Variants in LAYN observed in about 807,000 individuals in gnomAD.
LAYN encodes layilin.
Under a neutral mutation model 43.6 loss-of-function variants are expected in LAYN, and 38 were observed. The ratio of observed to expected loss-of-function variants is 0.87; its 90% confidence interval spans 0.67 to 1.14. The LOEUF (loss-of-function observed/expected upper bound fraction) is 1.14. Among genes scored for constraint, LAYN ranks in the 50% most tolerant of loss-of-function variants. LAYN has a pLI of 0.00. For synonymous variants in LAYN, 168 were observed against 172.9 expected, an observed-to-expected ratio of 0.97 and a Z score of 0.22; for missense variants, 479 against 463.8, an observed-to-expected ratio of 1.03 and a Z score of -0.30.
rs1411433171 is a variant in LAYN at position 111,540,917 on chromosome 11, G to T, written c.74G>T (p.Arg25Leu). Residue 25 changes from arginine to leucine, a missense_variant, in exon 1 of 7, where the codon CGC becomes CTC. Physicochemically the swap from Arg to Leu is moderately radical, Grantham distance 102 (BLOSUM62 -2). Coordinates refer to ENST00000375614, the MANE Select transcript of LAYN (RefSeq NM_178834.5). ...LLVGLRAATG[R>L]LLSGQPVCRG... Reference sequence around the variant, plus strand: ...GTGGGGCTGCGGGCCGCGACGGGTCGCCTGCTGAGTGGTGAGTGCGCGCGC... The same window carrying T: ...GTGGGGCTGCGGGCCGCGACGGGTCTCCTGCTGAGTGGTGAGTGCGCGCGC... 6.5e-7 allele frequency: 1 copy of T among 1,531,898 alleles called. No homozygotes were observed. The highest frequency in any genetic ancestry group is 2.5e-5 in the East Asian group (1 of 40,798). 94.9% of individuals were successfully genotyped at this position (1,531,898 alleles called of 1,614,324 possible).
Position 111,560,105 on chromosome 11 carries a change from C to G in LAYN, c.772C>G (p.Gln258Glu), listed in dbSNP as rs1216748393. 6.3e-7 allele frequency: 1 copy of G among 1,598,452 alleles called. No individual in the cohort carries two copies. Among genetic ancestry groups the G allele is most frequent in the East Asian group, 2.2e-5 (1 of 44,638 alleles). ...TTTCTTTCTTCCTAGAAAACGGGAG[C>G]AGCCAGACCCTAGCACAAAGAAGCA... ...VWICRKRKRE[Q>E]PDPSTKKQHT... Residue 258 changes from glutamine (Q) to glutamate (E), a missense_variant, in exon 7 of 7, where the codon CAG becomes GAG. Transcript: ENST00000375614.
intron 4 of LAYN, 68 bp downstream of exon 4, chr11:111,554,661 C>T: frequency 7.4e-7 from 1 of 1,350,322 alleles, no homozygotes; most frequent in South Asian, 1.2e-5. Flanking sequence ...AGGTTTAAAG[C>T]CCTATGTCCT....
At chr11:111,553,745 C>T (rs1867784707) in intron 3 of LAYN, among the ~76,000 whole-genome samples, 1 of 150,662 alleles carries the variant, frequency 6.6e-6, no homozygotes, top group African/African-American at 2.4e-5. Context: ...CACACACACA[C>T]ACACACACTT....
At position 111,560,617 on chromosome 11, in the gene LAYN, G is replaced by A. The variant is rs539790110; in HGVS notation, c.*159G>A. ...CCACGACCTCCTGTTGGACCCCCAC[G>A]TTTTGGCTGTATCCTTTATCCCAGC... On this transcript the variant is annotated 3_prime_UTR_variant, in exon 7 of 7. Coordinates refer to ENST00000375614, the MANE Select transcript of LAYN (RefSeq NM_178834.5). 14 of 782,902 alleles carry A rather than the reference G, an allele frequency of 1.8e-5. No individual in the cohort carries two copies. The highest frequency in any genetic ancestry group is 1.2e-4 in the South Asian group (6 of 51,404). 48.5% of individuals were successfully genotyped at this position (782,902 alleles called of 1,614,324 possible).
intron 3 of LAYN, among the ~76,000 whole-genome samples, chr11:111,552,840 G>C (rs750793854): frequency 2.0e-5 from 3 of 152,056 alleles, no homozygotes; most frequent in Non-Finnish European, 2.9e-5. Flanking sequence ...CTTCTTAGAG[G>C]GCTGAGATTC....
rs1268911265 is a variant in LAYN, at chr11:111,540,948, CGG to C, written c.85+24_85+25del. On this transcript the variant is annotated intron_variant, in intron 1 of 6. Transcript: ENST00000375614. Reference sequence around the variant, plus strand: ...TGAGTGGTGAGTGCGCGCGCTGGGGCGGGGGCTGGTGCCGGGGTGGGCTCACT... The same window carrying C: ...TGAGTGGTGAGTGCGCGCGCTGGGGCGGGCTGGTGCCGGGGTGGGCTCACT... 3.7e-6 allele frequency: 5 copies of C among 1,357,832 alleles called. No individual in the cohort carries two copies. In the Admixed American group the frequency reaches 1.0e-4, roughly 27 times the overall value. 84.1% of individuals were successfully genotyped at this position (1,357,832 alleles called of 1,614,324 possible).
At chr11:111,547,884 A>G (rs1243866624) in intron 2 of LAYN, among the ~76,000 whole-genome samples, 1 of 152,198 alleles carries the variant, frequency 6.6e-6, no homozygotes, top group African/African-American at 2.4e-5. Flanking sequence ...AGGCTTCCCC[A>G]CTTGACATTC....
chr11:111,551,726 T>G (rs895996831), intron 3 of LAYN, among the ~76,000 whole-genome samples: 2 of 152,128 alleles, frequency 1.3e-5, no homozygotes, highest in African/African-American at 4.8e-5. Flanking sequence ...ACACCTTCTC[T>G]CCTAACAGCT....
Position 111,553,512 on chromosome 11 carries a change from C to T in LAYN, c.542-1049C>T, listed in dbSNP as rs1352037203. On this transcript the variant is annotated intron_variant, in intron 3 of 6. Coordinates refer to ENST00000375614, the MANE Select transcript of LAYN (RefSeq NM_178834.5). Reference sequence around the variant, plus strand: ...CGCATGCCTATAATCCCAGCTACTTCGGAGGCTGAGGCAGGAGAATCGCTT... The same window carrying T: ...CGCATGCCTATAATCCCAGCTACTTTGGAGGCTGAGGCAGGAGAATCGCTT... Among the ~76,000 whole-genome samples the T allele has an allele frequency of 3.3e-5, 5 of 149,374 alleles. No individual in the cohort carries two copies. The South Asian group carries it at 8.6e-4, about 26-fold the overall frequency.
intron 2 of LAYN, among the ~76,000 whole-genome samples, chr11:111,545,488 A>C (rs1345091879): frequency 2.6e-5 from 4 of 152,228 alleles, no homozygotes; most frequent in African/African-American, 7.2e-5. Context: ...GTACCCAAAT[A>C]GATAACTCCT....
Position 111,554,611 on chromosome 11 carries a change from G to A in LAYN, c.574+18G>A. The A allele has an allele frequency of 1.2e-6, 2 of 1,610,884 alleles. No individual in the cohort carries two copies. Among genetic ancestry groups the A allele is most frequent in the Non-Finnish European group, 1.7e-6 (2 of 1,177,384 alleles). ...AGCTGAAGGTAAGCCTGTTACTTGA[G>A]ATTTGGGTTAACTGGGGCTGTTTCA... On this transcript the variant is annotated intron_variant, in intron 4 of 6. Transcript: ENST00000375614.
chr11:111,546,697 C>G (rs948615630), intron 2 of LAYN, among the ~76,000 whole-genome samples: 1 of 152,218 alleles, frequency 6.6e-6, no homozygotes, highest in African/African-American at 2.4e-5. Flanking sequence ...CATCTTACAA[C>G]GGATCTATTC....
intron 3 of LAYN, among the ~76,000 whole-genome samples, chr11:111,553,771 A>C (rs1157254102): frequency 6.7e-6 from 1 of 150,364 alleles, no homozygotes; most frequent in Non-Finnish European, 1.5e-5. Flanking sequence ...AAGATGACTA[A>C]AAGTTTTTGT....
chr11:111,544,168 A>T lies in LAYN; in HGVS notation c.331A>T (p.Thr111Ser). 6.2e-7 allele frequency: 1 copy of T among 1,614,176 alleles called. No individual in the cohort carries two copies. The highest frequency in any genetic ancestry group is 8.5e-7 in the Non-Finnish European group (1 of 1,180,038). Residue 111 changes from threonine to serine, a missense_variant, in exon 2 of 7, where the codon ACA becomes TCA. Coordinates refer to ENST00000375614, the MANE Select transcript of LAYN (RefSeq NM_178834.5). ...GCGTGAGGAGAAACAAAGCAATAGC[A>T]CAGCCTGCCAGGACCTTTATGCTTG... ...RRREEKQSNS[T>S]ACQDLYAWTD...
At chr11:111,543,780 G>A in intron 1 of LAYN, 143 bp from the exon 2 acceptor site, 1 of 667,042 alleles carries the variant, frequency 1.5e-6, no homozygotes, top group Non-Finnish European at 2.5e-6. Context: ...TTTGCTCTGA[G>A]AACCCCAACT....
Position 111,557,587 on chromosome 11 carries a change from TCTC to T in LAYN, c.714_716del (p.Leu239del), listed in dbSNP as rs765886827. On this transcript the variant is annotated inframe_deletion, in exon 6 of 7. Transcript: ENST00000375614. ...ACATCCTAATCCCCAGCATTCCCCT[TCTC>T]CTCCTCCTTGTGGTCACCACAGTTG... 6 of 1,614,200 alleles carry T rather than the reference TCTC, an allele frequency of 3.7e-6. No homozygotes were observed. Among genetic ancestry groups the T allele is most frequent in the South Asian group, 1.1e-5 (1 of 91,084 alleles).
chr11:111,551,398 C>T (rs1014794474), intron 3 of LAYN: 1 of 456,138 alleles, frequency 2.2e-6, no homozygotes, highest in African/African-American at 2.0e-5. Flanking sequence ...AGACCTCAAC[C>T]TCCCAAGGCA....
chr11:111,559,257 GA>G (rs1439508705), intron 6 of LAYN, among the ~76,000 whole-genome samples: 1 of 151,996 alleles, frequency 6.6e-6, no homozygotes, highest in Non-Finnish European at 1.5e-5. Context: ...TTATAATTTT[GA>G]AGTAGAGATG....
chr11:111,557,649 T>TA lies in LAYN; in HGVS notation c.761+10dup. The TA allele has an allele frequency of 6.3e-7, 1 of 1,597,230 alleles. No individual in the cohort carries two copies. The highest frequency in any genetic ancestry group is 8.6e-7 in the Non-Finnish European group (1 of 1,164,618). ...GTTTGGATCTGTAGAAAAAGGCAAG[T>TA]AAAACCTTCATTGTGTAAACCTTTG... is the stretch of plus-strand genomic sequence containing the variant. On this transcript the variant is annotated splice_region_variant and intron_variant, in intron 6 of 6. Transcript: ENST00000375614.
Sources: gnomAD v4.1 joint callset for allele counts (sites outside exome capture counted in the v4.1 genomes callset) on GRCh38, gnomAD v4.1.1 for gene constraint, MANE v1.5 for transcripts, NCBI Gene and HGNC (gene_info 2026-07-23, HGNC 2026-07-21) for gene names.